CCDC85A: variants seen among roughly 807,000 people sequenced by gnomAD.
CCDC85A encodes coiled-coil domain-containing protein 85A.
A neutral mutation model predicts 50.2 loss-of-function variants in CCDC85A; 38 were observed. That is an observed-to-expected ratio of 0.76 (90% confidence interval 0.58 to 0.99). The LOEUF (loss-of-function observed/expected upper bound fraction) is 0.99. CCDC85A is among the 50% of genes least tolerant of loss of function. CCDC85A has a pLI of 0.00. For synonymous variants in CCDC85A, 366 were observed against 301.4 expected, an observed-to-expected ratio of 1.21 and a Z score of -2.22; for missense variants, 820 against 742.0, an observed-to-expected ratio of 1.11 and a Z score of -1.22.
intron 2 of CCDC85A, among the ~76,000 whole-genome samples, chr2:56,207,942 C>G (rs1055724189): frequency 1.3e-5 from 2 of 152,126 alleles, no homozygotes; most frequent in African/African-American, 2.4e-5. Flanking sequence ...GGACATAATT[C>G]ATGTTTTATT....
chr2:56,298,531 C>T (rs1672057401), intron 2 of CCDC85A, among the ~76,000 whole-genome samples: 4 of 152,112 alleles, frequency 2.6e-5, no homozygotes, highest in Admixed American at 2.6e-4. Context: ...TCAAGAAATT[C>T]TTAAGAAAAA....
intron 2 of CCDC85A, among the ~76,000 whole-genome samples, chr2:56,267,696 C>G (rs981908691): frequency 3.3e-5 from 5 of 152,130 alleles, no homozygotes; most frequent in African/African-American, 7.2e-5. Flanking sequence ...AGAGGAGTGC[C>G]AAATAGACCC....
chr2:56,256,233 G>A lies in CCDC85A; in HGVS notation c.1240+62793G>A, dbSNP rs192231130. Among the ~76,000 whole-genome samples the A allele has an allele frequency of 1.1e-4, 17 of 152,314 alleles. No homozygotes were observed. In the East Asian group the frequency reaches 2.7e-3, roughly 24 times the overall value. ...TAAATGTTGCATTTTCTGGAATTGT[G>A]CATTGGCTATTATATTATTTCTATG... On this transcript the variant is annotated intron_variant, in intron 2 of 5. Transcript: ENST00000407595.
At chr2:56,276,418 C>G (rs1371370683) in intron 2 of CCDC85A, among the ~76,000 whole-genome samples, 1 of 152,040 alleles carries the variant, frequency 6.6e-6, no homozygotes, top group East Asian at 1.9e-4. Context: ...TGAATTGTAA[C>G]TCCTGAAATT....
chr2:56,338,141 A>C (rs1435042299), intron 2 of CCDC85A, among the ~76,000 whole-genome samples: 1 of 152,044 alleles, frequency 6.6e-6, no homozygotes, highest in Non-Finnish European at 1.5e-5. Context: ...CTGTTTTTTG[A>C]TGCTCTTTTG....
chr2:56,215,182 G>T (rs1221089467), intron 2 of CCDC85A, among the ~76,000 whole-genome samples: 2 of 151,824 alleles, frequency 1.3e-5, no homozygotes, highest in African/African-American at 4.8e-5. Flanking sequence ...TTTGTTGCTG[G>T]TATATAGGAA....
chr2:56,327,590 T>A (rs1033788938), intron 2 of CCDC85A, among the ~76,000 whole-genome samples: 1 of 152,180 alleles, frequency 6.6e-6, no homozygotes, highest in Non-Finnish European at 1.5e-5. Context: ...ACAAATGATA[T>A]CCCAGCCTAC....
chr2:56,366,794 T>A (rs1573352639), intron 3 of CCDC85A, among the ~76,000 whole-genome samples: 1 of 151,938 alleles, frequency 6.6e-6, no homozygotes. Flanking sequence ...TGCCGAGGAG[T>A]CTGTACATAG....
At chr2:56,258,653 A>G (rs1001923502) in intron 2 of CCDC85A, among the ~76,000 whole-genome samples, 1 of 152,256 alleles carries the variant, frequency 6.6e-6, no homozygotes, top group African/African-American at 2.4e-5. Context: ...TGGCAGGGAT[A>G]AAGTTTGCAG....
chr2:56,216,082 G>C (rs1677382503), intron 2 of CCDC85A, among the ~76,000 whole-genome samples: 1 of 151,870 alleles, frequency 6.6e-6, no homozygotes, highest in Non-Finnish European at 1.5e-5. Flanking sequence ...CTTATTTACT[G>C]TCTGGCTCTT....
intron 2 of CCDC85A, among the ~76,000 whole-genome samples, chr2:56,285,741 T>G (rs1671414782): frequency 6.6e-6 from 1 of 151,814 alleles, no homozygotes; most frequent in South Asian, 2.1e-4. Context: ...ACTATATGCC[T>G]TTAAATAGTT....
chr2:56,377,780 T>G (rs1393125667), intron 5 of CCDC85A, among the ~76,000 whole-genome samples: 1 of 151,056 alleles, frequency 6.6e-6, no homozygotes, highest in African/African-American at 2.4e-5. Context: ...CCCAGCTACT[T>G]GGGAGGCTGA....
At position 56,370,009 on chromosome 2, in the gene CCDC85A, A is replaced by G. The variant is rs1675995814; in HGVS notation, c.1318-2335A>G. On this transcript the variant is annotated intron_variant, in intron 3 of 5. Transcript: ENST00000407595. Reference sequence around the variant, plus strand: ...CCACAGAGTAAGTAATCTATAATTTACTTCTCACACAATGGGAGTGTTAGG... The same window carrying G: ...CCACAGAGTAAGTAATCTATAATTTGCTTCTCACACAATGGGAGTGTTAGG... Among the ~76,000 whole-genome samples, 3 of 152,092 alleles carry G rather than the reference A, an allele frequency of 2.0e-5. No homozygotes were observed. The South Asian group carries it at 6.2e-4, about 31-fold the overall frequency.
At chr2:56,344,654 T>C (rs1674544309) in intron 3 of CCDC85A, among the ~76,000 whole-genome samples, 1 of 152,180 alleles carries the variant, frequency 6.6e-6, no homozygotes, top group African/African-American at 2.4e-5. Flanking sequence ...TGTTTTCCTT[T>C]TAAAATTTTT....
chr2:56,291,562 C>T (rs556448299), intron 2 of CCDC85A, among the ~76,000 whole-genome samples: 4 of 152,068 alleles, frequency 2.6e-5, no homozygotes, highest in Non-Finnish European at 4.4e-5. Flanking sequence ...ATACTGTTCC[C>T]TTGAAAATTT....
chr2:56,367,722 C>G (rs1308932644), intron 3 of CCDC85A, among the ~76,000 whole-genome samples: 9 of 152,164 alleles, frequency 5.9e-5, no homozygotes, highest in Admixed American at 5.9e-4. Flanking sequence ...CCAATGAGAA[C>G]TGACACTCTC....
At chr2:56,354,326 C>T (rs1195991503) in intron 3 of CCDC85A, among the ~76,000 whole-genome samples, 1 of 152,122 alleles carries the variant, frequency 6.6e-6, no homozygotes, top group Non-Finnish European at 1.5e-5. Context: ...TGAGGTATCA[C>T]ACATTAGTTT....
At chr2:56,286,900 G>C (rs192869903) in intron 2 of CCDC85A, among the ~76,000 whole-genome samples, 1 of 152,164 alleles carries the variant, frequency 6.6e-6, no homozygotes, top group African/African-American at 2.4e-5. Flanking sequence ...TCTTGATCCT[G>C]TTGGACTTGG....
intron 2 of CCDC85A, among the ~76,000 whole-genome samples, chr2:56,298,044 A>G (rs1478333365): frequency 6.6e-6 from 1 of 152,210 alleles, no homozygotes. Context: ...TTATAAGGTC[A>G]TGCCCCAGGC....
Sources: allele counts gnomAD v4.1 joint callset (sites outside exome capture counted in the v4.1 genomes callset), GRCh38; gene constraint gnomAD v4.1.1; transcripts MANE v1.5; gene names NCBI Gene and HGNC (gene_info 2026-07-23, HGNC 2026-07-21).